WDR17: variants seen among roughly 807,000 people sequenced by gnomAD.
WDR17 encodes the protein WD repeat-containing protein 17.
Under a neutral mutation model 161.7 loss-of-function variants are expected in WDR17, and 143 were observed. The observed-to-expected ratio is 0.88, with a 90% CI of 0.77 to 1.02. The LOEUF (loss-of-function observed/expected upper bound fraction) is 1.02, where lower values mean the gene tolerates loss of function less well. Among genes scored for constraint, WDR17 ranks in the 50% least tolerant of loss-of-function variants. WDR17 has a pLI of 0.00. For missense variants in WDR17, 1,469 were observed against 1,520.9 expected, an observed-to-expected ratio of 0.97 and a Z score of 0.57; for synonymous variants, 517 against 515.6, an observed-to-expected ratio of 1.00 and a Z score of -0.04.
intron 1 of WDR17, 70 bp from the exon 2 acceptor site, chr4:176,111,504 TA>T: frequency 6.6e-7 from 1 of 1,518,148 alleles, no homozygotes; most frequent in Non-Finnish European, 8.9e-7. Flanking sequence ...TTGGGGAAGA[TA>T]GATGTAAAAC....
At chr4:176,078,808 T>A (rs1476677215) in intron 1 of WDR17, among the ~76,000 whole-genome samples, 2 of 152,096 alleles carry the variant, frequency 1.3e-5, no homozygotes, top group Non-Finnish European at 2.9e-5. Flanking sequence ...TTATGATACA[T>A]GCAATATAGA....
Sources: gnomAD v4.1 joint callset for allele counts (sites outside exome capture counted in the v4.1 genomes callset) on GRCh38, gnomAD v4.1.1 for gene constraint, MANE v1.5 for transcripts, NCBI Gene and HGNC (gene_info 2026-07-23, HGNC 2026-07-21) for gene names.